BCAR3: variants seen among roughly 807,000 people sequenced by gnomAD.
The protein encoded by BCAR3 is breast cancer anti-estrogen resistance protein 3.
BCAR3 carries 37 observed loss-of-function variants against 80.1 expected under a neutral mutation model. The observed-to-expected ratio is 0.46, with a 90% confidence interval of 0.36 to 0.61. The LOEUF is 0.61. Among genes scored for constraint, BCAR3 ranks in the 20% least tolerant of loss-of-function variants. The pLI, the probability that BCAR3 is intolerant of heterozygous loss-of-function variation, is 0.00. For synonymous variants in BCAR3, 389 were observed against 418.9 expected (o/e 0.93, Z 0.87); for missense variants, 978 against 1,068.2 (o/e 0.92, Z 1.18).
At chr1:93,732,965 T>C (rs1219606511) in intron 2 of BCAR3, among the ~76,000 whole-genome samples, 2 of 152,184 alleles carry the variant, frequency 1.3e-5, no homozygotes, top group Non-Finnish European at 2.9e-5. Context: ...AGGAGAAGCA[T>C]TTGCACTGCA....
At chr1:93,692,311 T>C (rs905650334) in intron 3 of BCAR3, among the ~76,000 whole-genome samples, 1 of 152,126 alleles carries the variant, frequency 6.6e-6, no homozygotes, top group African/African-American at 2.4e-5. Flanking sequence ...CCTCCTCTTG[T>C]GTGGTAACCA....
At chr1:93,567,704 G>C (rs182334304) in intron 10 of BCAR3, 36 bp downstream of exon 10, 1 of 1,572,404 alleles carries the variant, frequency 6.4e-7, no homozygotes, top group Non-Finnish European at 8.8e-7. Context: ...ACTCCCCAGC[G>C]GGGTAGCCCC....
intron 2 of BCAR3, among the ~76,000 whole-genome samples, chr1:93,663,160 T>A (rs139991210): frequency 2.0e-5 from 3 of 152,242 alleles, no homozygotes; most frequent in Admixed American, 2.0e-4. Flanking sequence ...AAATGCAAGC[T>A]GAACAGAAGC....
chr1:93,796,359 T>C (rs1052684518), intron 2 of BCAR3, among the ~76,000 whole-genome samples: 2 of 143,350 alleles, frequency 1.4e-5, no homozygotes, highest in Non-Finnish European at 3.0e-5. Context: ...AGTCTCGTGG[T>C]GCGCCGTTTT....
At chr1:93,677,001 C>T (rs1357773038) in intron 1 of BCAR3, among the ~76,000 whole-genome samples, 2 of 152,218 alleles carry the variant, frequency 1.3e-5, no homozygotes, top group African/African-American at 4.8e-5. Context: ...ATTTATTCTC[C>T]AATAACAAGG....
chr1:93,781,941 C>A (rs1652775400), intron 2 of BCAR3, among the ~76,000 whole-genome samples: 1 of 152,148 alleles, frequency 6.6e-6, no homozygotes. Context: ...GATAAGGTGC[C>A]TTTCTTGGGG....
chr1:93,670,499 C>G (rs1877603), intron 2 of BCAR3, among the ~76,000 whole-genome samples: 19,962 of 152,140 alleles, frequency 0.13, 1,389 homozygotes, highest in Middle Eastern at 0.16. Flanking sequence ...TCAGAGGATG[C>G]CCACAGCTGG....
chr1:93,800,304 T>A (rs1653431482), intron 2 of BCAR3, among the ~76,000 whole-genome samples: 1 of 152,170 alleles, frequency 6.6e-6, no homozygotes, highest in Non-Finnish European at 1.5e-5. Flanking sequence ...CTGGGCATGG[T>A]GGCTCACATC....
intron 2 of BCAR3, among the ~76,000 whole-genome samples, chr1:93,656,881 A>G (rs1647410495): frequency 6.6e-6 from 1 of 152,184 alleles, no homozygotes; most frequent in South Asian, 2.1e-4. Context: ...TCTAATATCT[A>G]AAGTCTTTGT....
intron 2 of BCAR3, among the ~76,000 whole-genome samples, chr1:93,827,918 T>C (rs769896191): frequency 2.0e-5 from 3 of 152,154 alleles, no homozygotes; most frequent in Non-Finnish European, 4.4e-5. Context: ...GCAAGTTCTC[T>C]CTGACCTTCT....
intron 2 of BCAR3, among the ~76,000 whole-genome samples, chr1:93,786,192 CAAAAA>C (rs61644309): frequency 7.7e-4 from 18 of 23,248 alleles, no homozygotes; most frequent in Non-Finnish European, 9.3e-4. Context: ...GACTCCGTCT[CAAAAA>C]AAAAAAAAAA....
At chr1:93,590,470 G>A (rs561670799) in intron 4 of BCAR3, 1 of 152,206 alleles carries the variant, frequency 6.6e-6, no homozygotes, top group Non-Finnish European at 1.5e-5. Flanking sequence ...TACGGTTATG[G>A]TTATAGTGTT....
upstream of BCAR3, chr1:93,847,664 T>A (rs1269043691): frequency 6.6e-6 from 1 of 152,478 alleles, no homozygotes; most frequent in Non-Finnish European, 1.5e-5. Flanking sequence ...GTCGTAACGC[T>A]TTTTTCCCTC....
chr1:93,846,792 C>T (rs779743568), intron 1 of BCAR3: 74 of 454,408 alleles, frequency 1.6e-4, no homozygotes, highest in Non-Finnish European at 1.7e-4. Flanking sequence ...GAGGCAGGTG[C>T]TGGCGGCAAG....
At chr1:93,817,802 C>T (rs531964001) in intron 2 of BCAR3, among the ~76,000 whole-genome samples, 5 of 152,196 alleles carry the variant, frequency 3.3e-5, no homozygotes, top group Non-Finnish European at 5.9e-5. Context: ...CCCCCCACAT[C>T]CCTGCCCAGC....
At chr1:93,727,628 TA>T (rs1196321571) in intron 2 of BCAR3, among the ~76,000 whole-genome samples, 1 of 152,168 alleles carries the variant, frequency 6.6e-6, no homozygotes, top group African/African-American at 2.4e-5. Flanking sequence ...CCATCAACTC[TA>T]AAAAATTACC....
At chr1:93,644,737 C>G (rs992879702) in intron 2 of BCAR3, among the ~76,000 whole-genome samples, 2 of 152,168 alleles carry the variant, frequency 1.3e-5, no homozygotes, top group Admixed American at 1.3e-4. Context: ...GAAGGAGTTG[C>G]CCAAAACTGG....
intron 2 of BCAR3, among the ~76,000 whole-genome samples, chr1:93,783,690 T>C (rs1486416661): frequency 6.6e-6 from 1 of 152,222 alleles, no homozygotes; most frequent in African/African-American, 2.4e-5. Flanking sequence ...CTATAAAGCG[T>C]AAAACATGCA....
chr1:93,759,474 CT>C (rs772975800), intron 2 of BCAR3, among the ~76,000 whole-genome samples: 34 of 152,172 alleles, frequency 2.2e-4, no homozygotes, highest in Non-Finnish European at 4.3e-4. Context: ...ACCAAGCGGC[CT>C]CTATGGGTGC....
Sources: allele counts gnomAD v4.1 joint callset (sites outside exome capture counted in the v4.1 genomes callset), GRCh38; gene constraint gnomAD v4.1.1; transcripts MANE v1.5; gene names NCBI Gene and HGNC (gene_info 2026-07-23, HGNC 2026-07-21).